IWS1: variants seen among roughly 807,000 people sequenced by gnomAD.
The protein encoded by IWS1 is protein IWS1 homolog.
IWS1 carries 27 observed loss-of-function variants against 86.7 expected under a neutral mutation model. The observed-to-expected ratio is 0.31, with a 90% confidence interval of 0.23 to 0.43. IWS1 has a LOEUF of 0.43. Among genes scored for constraint, IWS1 ranks in the 20% least tolerant of loss-of-function variants. The pLI is 1.00. For missense variants in IWS1, 827 were observed against 1,000.8 expected (o/e 0.83, Z 2.34); for synonymous variants, 313 against 335.1 (o/e 0.93, Z 0.72).
intron 2 of IWS1, among the ~76,000 whole-genome samples, chr2:127,511,015 C>T (rs1193420084): frequency 1.3e-5 from 2 of 152,326 alleles, no homozygotes; most frequent in Middle Eastern, 3.4e-3. Flanking sequence ...TTTAGAAATT[C>T]TACTCCAGTT....
chr2:127,482,124 C>G (rs998240735), intron 13 of IWS1: 1 of 152,116 alleles, frequency 6.6e-6, no homozygotes, highest in Non-Finnish European at 1.5e-5. Flanking sequence ...ATGGGTTTTT[C>G]TAATTCTTCT....
intron 13 of IWS1, among the ~76,000 whole-genome samples, chr2:127,481,430 T>C (rs1689618064): frequency 6.6e-6 from 1 of 151,562 alleles, no homozygotes; most frequent in African/African-American, 2.4e-5. Flanking sequence ...GGAGGTCTCC[T>C]AGATGGGAGA....
At chr2:127,486,014 C>A (rs1466076838) in intron 13 of IWS1, 2 of 153,900 alleles carry the variant, frequency 1.3e-5, no homozygotes, top group Non-Finnish European at 2.9e-5. Context: ...TCGGCTTAGG[C>A]CCTTTTTAAG....
intron 12 of IWS1, among the ~76,000 whole-genome samples, chr2:127,487,482 T>C (rs1008003103): frequency 2.0e-5 from 3 of 152,214 alleles, no homozygotes; most frequent in African/African-American, 4.8e-5. Context: ...AGTGGATCTA[T>C]GTGTGTCTGC....
intron 2 of IWS1, among the ~76,000 whole-genome samples, chr2:127,507,599 T>C (rs1273954864): frequency 1.3e-5 from 2 of 152,196 alleles, no homozygotes; most frequent in East Asian, 1.9e-4. Context: ...ATAGTCTGTA[T>C]GTTGCCTAAA....
intron 12 of IWS1, chr2:127,487,914 C>A (rs1690014343): frequency 6.6e-6 from 1 of 152,254 alleles, no homozygotes; most frequent in Non-Finnish European, 1.5e-5. Flanking sequence ...AAGAAAATTC[C>A]CTGTAACTCT....
chr2:127,506,832 A>T (rs1414884427), intron 2 of IWS1: 2 of 163,526 alleles, frequency 1.2e-5, no homozygotes, highest in Non-Finnish European at 2.9e-5. Flanking sequence ...TACAAACTTG[A>T]TATGTGCATA....
intron 8 of IWS1, chr2:127,494,581 G>A (rs956022345): frequency 1.1e-5 from 2 of 188,336 alleles, no homozygotes; most frequent in African/African-American, 2.3e-5. Context: ...GGGCAACATA[G>A]CAAGATCCTG....
intron 6 of IWS1, among the ~76,000 whole-genome samples, chr2:127,497,765 A>G (rs902444768): frequency 3.9e-5 from 6 of 152,236 alleles, no homozygotes; most frequent in Non-Finnish European, 7.3e-5. Flanking sequence ...AACTAAAGTA[A>G]GTGAAATATG....
chr2:127,507,993 C>T (rs1260978912), intron 2 of IWS1, among the ~76,000 whole-genome samples: 1 of 152,162 alleles, frequency 6.6e-6, no homozygotes, highest in Non-Finnish European at 1.5e-5. Flanking sequence ...ATAGCTCACT[C>T]TGTATAAGTA....
chr2:127,519,701 T>C (rs903863487), intron 2 of IWS1, among the ~76,000 whole-genome samples: 1 of 152,194 alleles, frequency 6.6e-6, no homozygotes, highest in Non-Finnish European at 1.5e-5. Context: ...TCACTTTACA[T>C]GCAAGGGACT....
chr2:127,498,156 T>C lies in IWS1; in HGVS notation c.1549A>G (p.Ile517Val). 2 of 1,583,862 alleles carry C rather than the reference T, an allele frequency of 1.3e-6. No individual in the cohort carries two copies. Among genetic ancestry groups the C allele is most frequent in the Non-Finnish European group, 1.7e-6 (2 of 1,153,016 alleles). Residue 517 changes from isoleucine (I) to valine (V), a missense_variant, in exon 6 of 14, where the codon ATA (isoleucine) becomes GTA (valine). This residue lies in a region of IWS1 where 279 missense variants were observed against 440.6 expected (regional missense o/e 0.63). Coordinates refer to ENST00000295321, the MANE Select transcript of IWS1 (RefSeq NM_017969.3). ...CAAACTTACTGTTTTCCTCTCTTTA[T>C]GTTATCATCAGAATCTGAATCTTCT... is the stretch of plus-strand genomic sequence containing the variant. ...EAEDSDSDDNIKRGKHMDFLS... is the reference protein window; with the variant it reads ...EAEDSDSDDNVKRGKHMDFLS...
At chr2:127,498,095 G>A in intron 6 of IWS1, 45 bp downstream of exon 6, 1 of 1,445,826 alleles carries the variant, frequency 6.9e-7, no homozygotes, top group Non-Finnish European at 9.7e-7. Flanking sequence ...TCTCTACCTT[G>A]ATTTTTAAAC....
At chr2:127,493,762 GT>G (rs1333824109) in intron 8 of IWS1, among the ~76,000 whole-genome samples, 2 of 142,868 alleles carry the variant, frequency 1.4e-5, no homozygotes, top group African/African-American at 5.2e-5. Flanking sequence ...TTCTTGAACA[GT>G]TTTACATGGT....
intron 5 of IWS1, among the ~76,000 whole-genome samples, chr2:127,502,028 A>G (rs1176112989): frequency 6.6e-6 from 1 of 152,164 alleles, no homozygotes; most frequent in Non-Finnish European, 1.5e-5. Flanking sequence ...CCCTAAGTCT[A>G]TTACTATTGT....
At chr2:127,511,639 G>C (rs374540344) in intron 2 of IWS1, among the ~76,000 whole-genome samples, 2 of 152,066 alleles carry the variant, frequency 1.3e-5, no homozygotes. Context: ...AAGATCAGAG[G>C]CTATTCTGTA....
chr2:127,526,050 T>A lies in IWS1; in HGVS notation c.34+125A>T, dbSNP rs915008533. On this transcript the variant is annotated intron_variant, in intron 1 of 13. Coordinates refer to ENST00000295321, the MANE Select transcript of IWS1 (RefSeq NM_017969.3). ...GCTGGTCAGAGGGCTCTTGCCCTCC[T>A]CGGGCCGGGTCGCGGGAGGGAAGGT... The A allele has an allele frequency of 1.1e-5, 10 of 896,728 alleles. No individual in the cohort carries two copies. The African/African-American group carries it at 1.7e-4, about 15-fold the overall frequency. The allele number at this position is 896,728 out of a possible 1,614,324, so 55.5% of individuals were successfully genotyped here.
chr2:127,481,218 G>T, intron 13 of IWS1, 43 bp from the exon 14 acceptor site: 1 of 1,553,250 alleles, frequency 6.4e-7, no homozygotes. Context: ...ACTGAAATAC[G>T]TAAGTCTAGT....
chr2:127,524,020 T>C (rs147732024), intron 1 of IWS1, among the ~76,000 whole-genome samples: 1 of 152,346 alleles, frequency 6.6e-6, no homozygotes, highest in African/African-American at 2.4e-5. Context: ...TAAAAACAAT[T>C]TGTAGCTTAA....
Sources: allele counts gnomAD v4.1 joint callset (sites outside exome capture counted in the v4.1 genomes callset), GRCh38; gene constraint gnomAD v4.1.1; regional missense constraint gnomAD v4.1.1; transcripts MANE v1.5; gene names NCBI Gene and HGNC (gene_info 2026-07-23, HGNC 2026-07-21).